The following ITGB3BP variants were observed in gnomAD, a reference collection of about 807,000 sequenced individuals.
ITGB3BP encodes integrin subunit beta 3 binding protein, also known as centromere protein R.
In ITGB3BP, 27 loss-of-function variants were observed where a neutral mutation model predicts 29.1. That is an observed-to-expected ratio of 0.93 (90% CI 0.68 to 1.28). ITGB3BP has a LOEUF of 1.28. ITGB3BP is among the 50% of genes most tolerant of loss of function. The probability of loss-of-function intolerance (pLI) is 0.00; values close to 1 mark genes in which losing one functional copy is unlikely to be tolerated. For missense variants in ITGB3BP, 192 were observed against 200.2 expected (o/e 0.96, Z 0.25); for synonymous variants, 61 against 61.4 (o/e 0.99, Z 0.03).
At chr1:63,508,875 TA>T (rs1287643036) in intron 1 of ITGB3BP, among the ~76,000 whole-genome samples, 3 of 145,266 alleles carry the variant, frequency 2.1e-5, no homozygotes, top group African/African-American at 7.9e-5. Context: ...TAAAAACTCT[TA>T]TAAAAGTTAG....
Position 63,453,938 on chromosome 1 carries a change from C to G in ITGB3BP, c.464G>C (p.Ser155Thr). Residue 155 changes from serine (S) to threonine (T), a missense_variant, in exon 7 of 9, where the codon AGT becomes ACT. Physicochemically the swap from Ser to Thr is moderately conservative, Grantham distance 58. Coordinates refer to ENST00000271002, the MANE Select transcript of ITGB3BP (RefSeq NM_014288.5). ...KVNKQKLFEK[S>T]TGLPHKASRH... is the part of the protein sequence containing the mutation. ...CTTACCTTTGTGAGGAAGTCCTGTACTCTTTTCAAACAGTTTTTGTTTATT... is the reference window on the plus strand; with the variant it reads ...CTTACCTTTGTGAGGAAGTCCTGTAGTCTTTTCAAACAGTTTTTGTTTATT... 6.3e-7 allele frequency: 1 copy of G among 1,583,526 alleles called. No individual in the cohort carries two copies. The highest frequency in any genetic ancestry group is 1.1e-5 in the South Asian group (1 of 88,162).
chr1:63,515,825 T>TAAAAAAAAAAAAA (rs76881362), intron 1 of ITGB3BP, among the ~76,000 whole-genome samples: 4 of 48,594 alleles, frequency 8.2e-5, no homozygotes, highest in African/African-American at 3.4e-4. Context: ...GACTCCAACT[T>TAAAAAAAAAAAAA]AAAAAAAAAA....
At chr1:63,456,165 TTTG>T (rs549148894) in intron 4 of ITGB3BP, among the ~76,000 whole-genome samples, 107 of 152,276 alleles carry the variant, frequency 7.0e-4, no homozygotes, top group African/African-American at 2.5e-3. Context: ...CATTGACATT[TTTG>T]TTATTAAAAA....
intron 3 of ITGB3BP, among the ~76,000 whole-genome samples, chr1:63,487,743 A>G (rs1411383037): frequency 1.3e-5 from 2 of 152,138 alleles, no homozygotes; most frequent in Non-Finnish European, 2.9e-5. Context: ...TGTTGAACAA[A>G]ACATCATTAT....
intron 4 of ITGB3BP, among the ~76,000 whole-genome samples, chr1:63,475,468 T>C (rs1645320222): frequency 6.6e-6 from 1 of 152,164 alleles, no homozygotes; most frequent in Non-Finnish European, 1.5e-5. Flanking sequence ...GGTGGGAGGA[T>C]AACTCGAGCC....
In ITGB3BP at chr1:63,454,936, A is replaced by G. The variant is rs762007500; in HGVS notation, c.287T>C (p.Leu96Ser). ...CATTATCTCCATGATTTCTTCTGAC[A>G]ATTTCTCAACTTTTGATAGCAACAT... ...FMMLLSKVEK[L>S]SEEIMEIMQN... The change falls in exon 5 of 9, where the codon TTG becomes TCG. Residue 96 changes from leucine to serine, a missense_variant. Transcript: ENST00000271002. This position sits in a 1 kb window ranked among gnomAD's most constrained non-coding sequence, Gnocchi z 4.1. 1.9e-6 allele frequency: 3 copies of G among 1,571,150 alleles called. No individual in the cohort carries two copies. The highest frequency in any genetic ancestry group is 3.4e-5 in the Admixed American group (2 of 59,672).
At chr1:63,492,187 C>CTGTGTGTG (rs1491215928) in intron 2 of ITGB3BP, among the ~76,000 whole-genome samples, 1 of 69,118 alleles carries the variant, frequency 1.4e-5, no homozygotes, top group Non-Finnish European at 2.8e-5. Context: ...TGTGCATGTG[C>CTGTGTGTG]TCTGTGTGTG....
intron 2 of ITGB3BP, among the ~76,000 whole-genome samples, chr1:63,501,143 T>A (rs1645918566): frequency 6.6e-6 from 1 of 152,150 alleles, no homozygotes; most frequent in South Asian, 2.1e-4. Flanking sequence ...GTTATACACA[T>A]GCAAAATAAT....
At chr1:63,475,014 G>A (rs1458777933) in intron 4 of ITGB3BP, among the ~76,000 whole-genome samples, 3 of 152,070 alleles carry the variant, frequency 2.0e-5, no homozygotes, top group African/African-American at 7.2e-5. Context: ...TCACCCGGTC[G>A]CTTAGGCTGG....
intron 3 of ITGB3BP, among the ~76,000 whole-genome samples, chr1:63,479,246 ACCGAT>A (rs1645395892): frequency 6.6e-6 from 1 of 152,152 alleles, no homozygotes; most frequent in South Asian, 2.1e-4. Flanking sequence ...GATTGGTGAT[ACCGAT>A]ACTCAGAAAA....
chr1:63,485,269 A>T (rs1032618002), intron 3 of ITGB3BP, among the ~76,000 whole-genome samples: 1 of 152,090 alleles, frequency 6.6e-6, no homozygotes, highest in Non-Finnish European at 1.5e-5. Flanking sequence ...CCCATTTTAC[A>T]GGCAAGAAAA....
chr1:63,523,007 C>G (rs748334728), intron 1 of ITGB3BP, 122 bp downstream of exon 1: 20 of 1,135,174 alleles, frequency 1.8e-5, no homozygotes, highest in Non-Finnish European at 2.6e-5. Context: ...TGCCTGTGGA[C>G]AGAGGAGACA....
At chr1:63,471,853 C>T (rs367583343) in intron 4 of ITGB3BP, among the ~76,000 whole-genome samples, 15 of 151,882 alleles carry the variant, frequency 9.9e-5, no homozygotes, top group African/African-American at 1.5e-4. Flanking sequence ...GGCACCATCT[C>T]GGCTCACTGC....
intron 4 of ITGB3BP, among the ~76,000 whole-genome samples, chr1:63,478,142 T>C (rs1053663328): frequency 6.6e-5 from 10 of 152,224 alleles, no homozygotes; most frequent in African/African-American, 2.4e-4. Flanking sequence ...AAAAAAAAGT[T>C]TGTATATGTT....
Position 63,454,932 on chromosome 1 carries a change from T to C in ITGB3BP, c.291A>G (p.Ser97=), listed in dbSNP as rs1383593393. 2 of 1,571,324 alleles carry C rather than the reference T, an allele frequency of 1.3e-6. No homozygotes were observed. The highest frequency in any genetic ancestry group is 4.5e-5 in the East Asian group (2 of 44,628). The change falls in exon 5 of 9, where the codon TCA becomes TCG. Residue 97 remains serine (S), a synonymous_variant. Transcript: ENST00000271002. The surrounding 1 kb of genome is among the most constrained non-coding windows in gnomAD (Gnocchi z 4.1). ...TTTGCATTATCTCCATGATTTCTTC[T>C]GACAATTTCTCAACTTTTGATAGCA... The part of the protein sequence containing the change: ...MMLLSKVEKL[S]EEIMEIMQNL...
At chr1:63,526,569 A>T (rs1263083436), upstream of ITGB3BP, among the ~76,000 whole-genome samples, 3 of 152,234 alleles carry the variant, frequency 2.0e-5, no homozygotes, top group Non-Finnish European at 4.4e-5. Context: ...ACAAGAATTG[A>T]CAAGATTAAA....
At chr1:63,525,610 G>T, upstream of ITGB3BP, 1 of 1,575,286 alleles carries the variant, frequency 6.3e-7, no homozygotes, top group East Asian at 2.3e-5. Context: ...ACTTTCTCCA[G>T]TCAGAAATCA....
At chr1:63,460,879 T>C (rs1312271212) in intron 4 of ITGB3BP, among the ~76,000 whole-genome samples, 1 of 152,120 alleles carries the variant, frequency 6.6e-6, no homozygotes, top group Non-Finnish European at 1.5e-5. Flanking sequence ...TGCATTCCTT[T>C]AATGACTAAT....
chr1:63,472,820 C>G (rs796908267), intron 4 of ITGB3BP, among the ~76,000 whole-genome samples: 1 of 151,966 alleles, frequency 6.6e-6, no homozygotes, highest in Non-Finnish European at 1.5e-5. Flanking sequence ...GATCTCGGCT[C>G]GCTACAACCT....
Sources: gnomAD v4.1 joint callset for allele counts (sites outside exome capture counted in the v4.1 genomes callset) on GRCh38, gnomAD v4.1.1 for gene constraint, Gnocchi (gnomAD v3.1) non-coding constraint, MANE v1.5 for transcripts, NCBI Gene and HGNC (gene_info 2026-07-23, HGNC 2026-07-21) for gene names.